Variants in AGAP1 observed in about 807,000 individuals in gnomAD.
AGAP1 encodes arf-GAP with GTPase, ANK repeat and PH domain-containing protein 1.
Under a neutral mutation model 105.3 loss-of-function variants are expected in AGAP1, and 29 were observed. That is an observed-to-expected ratio of 0.28 (90% confidence interval 0.21 to 0.38). AGAP1 has a LOEUF of 0.38. Ranked by LOEUF, AGAP1 falls within the 10% of genes least tolerant of loss-of-function variation. The probability of loss-of-function intolerance (pLI) is 1.00; values close to 1 mark genes in which losing one functional copy is unlikely to be tolerated. For synonymous variants in AGAP1, 509 were observed against 485.9 expected (o/e 1.05, Z -0.63); for missense variants, 998 against 1,165.1 (o/e 0.86, Z 2.09).
At chr2:236,019,815 C>T (rs2056830524) in intron 13 of AGAP1, among the ~76,000 whole-genome samples, 1 of 152,240 alleles carries the variant, frequency 6.6e-6, no homozygotes, top group Non-Finnish European at 1.5e-5. Flanking sequence ...ATCTGTGACC[C>T]ATTGTGTTGT....
At position 235,843,889 on chromosome 2, in the gene AGAP1, G is replaced by T. The variant is rs576791745; in HGVS notation, c.1050+36558G>T. Among the ~76,000 whole-genome samples the T allele has an allele frequency of 6.6e-6, 1 of 152,194 alleles. No individual in the cohort carries two copies. The highest frequency in any genetic ancestry group is 1.5e-5 in the Non-Finnish European group (1 of 68,036). On this transcript the variant is annotated intron_variant, in intron 9 of 17. Transcript: ENST00000304032. The surrounding 1 kb of genome is among the most constrained non-coding windows in gnomAD (Gnocchi z 5.9). ...CTTCTTCCAGGCAGCCTCCTGGGCC[G>T]CCAGTGGTGTGGAGCTGGCCGAGAA... is the stretch of plus-strand genomic sequence containing the variant.
Position 235,692,807 on chromosome 2 carries a change from C to G in AGAP1, c.164-16372C>G, listed in dbSNP as rs1244331901. Among the ~76,000 whole-genome samples the G allele has an allele frequency of 6.6e-6, 1 of 152,206 alleles. No homozygotes were observed. Among genetic ancestry groups the G allele is most frequent in the African/African-American group, 2.4e-5 (1 of 41,460 alleles). On this transcript the variant is annotated intron_variant, in intron 1 of 17. Coordinates refer to ENST00000304032, the MANE Select transcript of AGAP1 (RefSeq NM_001037131.3). The surrounding 1 kb of genome is among the most constrained non-coding windows in gnomAD (Gnocchi z 5.8). ...GTGGACTTGCTGGTCGGCTGCTCTGCTGATTCTCGAAGGCGGAGTCAGGGT... is the reference window on the plus strand; with the variant it reads ...GTGGACTTGCTGGTCGGCTGCTCTGGTGATTCTCGAAGGCGGAGTCAGGGT...
Position 236,092,931 on chromosome 2 carries a change from AG to A in AGAP1, c.2115-27260del, listed in dbSNP as rs1488964453. On this transcript the variant is annotated intron_variant, in intron 16 of 17. Coordinates refer to ENST00000304032, the MANE Select transcript of AGAP1 (RefSeq NM_001037131.3). This position sits in a 1 kb window ranked among gnomAD's most constrained non-coding sequence, Gnocchi z 4.7. ...GGCAGATGCCGCAGACAGAAACAGG[AG>A]CGGCTCCAGGCCTCCCACTGGCCAA... Among the ~76,000 whole-genome samples, 7 of 152,340 alleles carry A rather than the reference AG, an allele frequency of 4.6e-5. No individual in the cohort carries two copies. In the East Asian group the frequency reaches 1.2e-3, roughly 25 times the overall value.
intron 1 of AGAP1, among the ~76,000 whole-genome samples, chr2:235,589,208 T>G (rs867984733): frequency 2.4e-4 from 29 of 119,040 alleles, no homozygotes; most frequent in Non-Finnish European, 3.3e-4. Flanking sequence ...TTTTTTTTTT[T>G]TTTTTTTTTT....
intron 11 of AGAP1, among the ~76,000 whole-genome samples, chr2:235,913,855 A>T (rs1214100815): frequency 5.9e-5 from 9 of 152,228 alleles, no homozygotes; most frequent in Non-Finnish European, 4.4e-5. Flanking sequence ...CATTGCTTTT[A>T]AGCTATGAAT....
In AGAP1 at chr2:235,931,872, G is replaced by A. The variant is rs1055610957; in HGVS notation, c.1483+949G>A. 1.1e-4 allele frequency among the ~76,000 whole-genome samples: 16 copies of A among 152,046 alleles called. No individual in the cohort carries two copies. Among genetic ancestry groups the A allele is most frequent in the Admixed American group, 9.2e-4 (14 of 15,278 alleles). On this transcript the variant is annotated intron_variant, in intron 12 of 17. Coordinates refer to ENST00000304032, the MANE Select transcript of AGAP1 (RefSeq NM_001037131.3). This position sits in a 1 kb window ranked among gnomAD's most constrained non-coding sequence, Gnocchi z 5.6. ...CAGCGAGGTAGCTCCACACCATAGC[G>A]GTGCGGGTCTGGAAGAGCCTTGTGA...
At chr2:235,868,504 C>T (rs968834449) in intron 9 of AGAP1, among the ~76,000 whole-genome samples, 2 of 152,134 alleles carry the variant, frequency 1.3e-5, no homozygotes, top group African/African-American at 2.4e-5. Flanking sequence ...ACTGTTGCTC[C>T]ATCACCCCGT....
In AGAP1 at chr2:235,734,429, C is replaced by T. The variant is rs908380857; in HGVS notation, c.311-6534C>T. On this transcript the variant is annotated intron_variant, in intron 3 of 17. Transcript: ENST00000304032. This position sits in a 1 kb window ranked among gnomAD's most constrained non-coding sequence, Gnocchi z 5.3. ...CCACTGCATCTTGATCAGACACTGC[C>T]ATGAGGTCCCTCCCCTCTCTGATGG... is the stretch of plus-strand genomic sequence containing the variant. 6.6e-5 allele frequency among the ~76,000 whole-genome samples: 10 copies of T among 151,892 alleles called. No individual in the cohort carries two copies. Among genetic ancestry groups the T allele is most frequent in the African/African-American group, 2.4e-4 (10 of 41,322 alleles).
chr2:236,094,267 C>T (rs2059134413), intron 16 of AGAP1, among the ~76,000 whole-genome samples: 1 of 148,048 alleles, frequency 6.8e-6, no homozygotes, highest in Non-Finnish European at 1.5e-5. Context: ...TCAGCCTGGG[C>T]AACATAATGA....
At chr2:236,079,127 C>G (rs1045927439) in intron 16 of AGAP1, among the ~76,000 whole-genome samples, 1 of 152,166 alleles carries the variant, frequency 6.6e-6, no homozygotes, top group Non-Finnish European at 1.5e-5. Context: ...ACAGAGTCCC[C>G]TCTGCCTGCT....
intron 16 of AGAP1, 34 bp downstream of exon 16, chr2:236,049,315 C>A: frequency 6.3e-7 from 1 of 1,584,760 alleles, no homozygotes; most frequent in South Asian, 1.1e-5. Flanking sequence ...GCTCCCGACA[C>A]GTTTGCCAAC....
At chr2:235,810,744 A>G (rs184866007) in intron 9 of AGAP1, among the ~76,000 whole-genome samples, 4 of 151,668 alleles carry the variant, frequency 2.6e-5, no homozygotes, top group South Asian at 2.1e-4. Flanking sequence ...TTTCTGGACT[A>G]TAACTTCATT....
intron 12 of AGAP1, among the ~76,000 whole-genome samples, chr2:235,950,073 G>A (rs1027405791): frequency 1.3e-5 from 2 of 152,182 alleles, no homozygotes; most frequent in Non-Finnish European, 2.9e-5. Flanking sequence ...AGAGTGAGGT[G>A]TTTGCTGGGA....
rs898824610 is a variant in AGAP1 at position 235,612,423 on chromosome 2, C to T, written c.164-96756C>T. The stretch of plus-strand genomic sequence containing the variant: ...ATTTATGTCAGCTGGAGCCCTTGGC[C>T]CTGGTAATGAGATCTCAGGGGCAGC... On this transcript the variant is annotated intron_variant, in intron 1 of 17. Coordinates refer to ENST00000304032, the MANE Select transcript of AGAP1 (RefSeq NM_001037131.3). The surrounding 1 kb of genome is among the most constrained non-coding windows in gnomAD (Gnocchi z 4.3). Among the ~76,000 whole-genome samples, 2 of 152,112 alleles carry T rather than the reference C, an allele frequency of 1.3e-5. No homozygotes were observed. Among genetic ancestry groups the T allele is most frequent in the African/African-American group, 4.8e-5 (2 of 41,434 alleles).
Position 235,977,318 on chromosome 2 carries a change from G to A in AGAP1, c.1645+8695G>A, listed in dbSNP as rs543115532. 3.3e-5 allele frequency among the ~76,000 whole-genome samples: 5 copies of A among 152,154 alleles called. No individual in the cohort carries two copies. Among genetic ancestry groups the A allele is most frequent in the South Asian group, 2.1e-4 (1 of 4,800 alleles). ...GCTTTTCGGATGTCATTTAAGTCTC[G>A]GTGAAATTATGGTCCACTTGGACCA... is the stretch of plus-strand genomic sequence containing the variant. On this transcript the variant is annotated intron_variant, in intron 13 of 17. Transcript: ENST00000304032. This position sits in a 1 kb window ranked among gnomAD's most constrained non-coding sequence, Gnocchi z 5.2.
chr2:235,544,365 G>C (rs1051684970), intron 1 of AGAP1, among the ~76,000 whole-genome samples: 2 of 152,140 alleles, frequency 1.3e-5, no homozygotes, highest in African/African-American at 4.8e-5. Flanking sequence ...TCTGAGTCCC[G>C]CAGGGACTGG....
chr2:235,624,553 T>A (rs1349190894), intron 1 of AGAP1, among the ~76,000 whole-genome samples: 1 of 152,226 alleles, frequency 6.6e-6, no homozygotes, highest in Non-Finnish European at 1.5e-5. Context: ...TTTCATTACT[T>A]AAATATTGCT....
chr2:235,804,585 G>T (rs932280435), intron 8 of AGAP1, among the ~76,000 whole-genome samples: 1 of 152,226 alleles, frequency 6.6e-6, no homozygotes, highest in African/African-American at 2.4e-5. Flanking sequence ...GCAATGATGC[G>T]CTTGTTCCTG....
In AGAP1 at chr2:235,663,482, C is replaced by T. The variant is rs1316548739; in HGVS notation, c.164-45697C>T. ...CAGATAAAAGAGTTTTCAGATATCT[C>T]TGCAGCCAAATCCCAAATGGGATGC... On this transcript the variant is annotated intron_variant, in intron 1 of 17. Coordinates refer to ENST00000304032, the MANE Select transcript of AGAP1 (RefSeq NM_001037131.3). This position sits in a 1 kb window ranked among gnomAD's most constrained non-coding sequence, Gnocchi z 5.4. Among the ~76,000 whole-genome samples, 1 of 152,118 alleles carries T rather than the reference C, an allele frequency of 6.6e-6. No individual in the cohort carries two copies. The highest frequency in any genetic ancestry group is 1.5e-5 in the Non-Finnish European group (1 of 68,026).
Sources: gnomAD v4.1 joint callset for allele counts (sites outside exome capture counted in the v4.1 genomes callset) on GRCh38, gnomAD v4.1.1 for gene constraint, Gnocchi (gnomAD v3.1) non-coding constraint, MANE v1.5 for transcripts, NCBI Gene and HGNC (gene_info 2026-07-23, HGNC 2026-07-21) for gene names.